Variants in ADCY9 observed in about 807,000 individuals in gnomAD.
ADCY9 encodes the protein adenylate cyclase 9.
ADCY9 carries 50 observed loss-of-function variants against 101.5 expected under a neutral mutation model. The observed-to-expected ratio is 0.49, with a 90% confidence interval of 0.39 to 0.62. The LOEUF (loss-of-function observed/expected upper bound fraction) is 0.62. ADCY9 is among the 20% of genes least tolerant of loss of function. The probability of loss-of-function intolerance (pLI) is 0.00; values close to 1 mark genes in which losing one functional copy is unlikely to be tolerated. For missense variants in ADCY9, 1,662 were observed against 1,800.4 expected, an observed-to-expected ratio of 0.92 and a Z score of 1.39; for synonymous variants, 905 against 769.3, an observed-to-expected ratio of 1.18 and a Z score of -2.92.
chr16:4,075,546 G>A (rs1333170335), intron 2 of ADCY9, among the ~76,000 whole-genome samples: 1 of 152,178 alleles, frequency 6.6e-6, no homozygotes, highest in Non-Finnish European at 1.5e-5. Flanking sequence ...GGATGTACTG[G>A]CAAGAAATGT....
intron 5 of ADCY9, among the ~76,000 whole-genome samples, chr16:3,956,112 C>G (rs2055905013): frequency 6.6e-6 from 1 of 151,844 alleles, no homozygotes; most frequent in East Asian, 1.9e-4. Flanking sequence ...CTATGTTGCC[C>G]AGGTCTCAAA....
At chr16:4,014,334 A>T (rs2056423609) in intron 2 of ADCY9, among the ~76,000 whole-genome samples, 1 of 150,928 alleles carries the variant, frequency 6.6e-6, no homozygotes, top group Admixed American at 6.6e-5. Context: ...AGAAAAAAAA[A>T]AAAAAAGAAG....
chr16:4,022,490 C>CA (rs58498676), intron 2 of ADCY9, among the ~76,000 whole-genome samples: 14,016 of 65,032 alleles, frequency 0.22, 3,811 homozygotes, highest in South Asian at 0.41. Flanking sequence ...GACTCCGTCT[C>CA]AAAAAAAAAA....
intron 2 of ADCY9, among the ~76,000 whole-genome samples, chr16:4,031,018 G>GAA (rs112884975): frequency 4.9e-4 from 74 of 151,256 alleles, no homozygotes; most frequent in African/African-American, 1.7e-3. Context: ...TAGCAGTAAA[G>GAA]AAAAAAAAAT....
chr16:3,975,950 G>A (rs1418809704), intron 9 of ADCY9, among the ~76,000 whole-genome samples: 1 of 152,152 alleles, frequency 6.6e-6, no homozygotes, highest in African/African-American at 2.4e-5. Flanking sequence ...AAAATACCCT[G>A]AAACCAGTAG....
chr16:4,092,156 G>A (rs117634045), intron 2 of ADCY9, among the ~76,000 whole-genome samples: 1,674 of 152,286 alleles, frequency 0.011, 15 homozygotes, highest in Middle Eastern at 0.031. Context: ...TGTAATCACC[G>A]GTACTTGGGA....
chr16:4,097,300 A>G (rs1263759598), intron 2 of ADCY9, among the ~76,000 whole-genome samples: 5 of 151,546 alleles, frequency 3.3e-5, no homozygotes, highest in Non-Finnish European at 7.4e-5. Context: ...CACCTTTGCT[A>G]GAGCCTATCA....
At chr16:4,018,373 C>T (rs2238451) in intron 2 of ADCY9, among the ~76,000 whole-genome samples, 14,570 of 152,016 alleles carry the variant, frequency 0.096, 878 homozygotes, top group East Asian at 0.29. Flanking sequence ...CCACCATGCC[C>T]GGCTAATTTT....
At chr16:4,000,050 A>C (rs190352746) in intron 3 of ADCY9, among the ~76,000 whole-genome samples, 116 of 152,346 alleles carry the variant, frequency 7.6e-4, no homozygotes, top group African/African-American at 2.7e-3. Flanking sequence ...TCGTCTTCTC[A>C]ACACGACTGT....
At position 4,073,202 on chromosome 16, in the gene ADCY9, C is replaced by T. The variant is rs1015249860; in HGVS notation, c.1693+40548G>A. Reference sequence around the variant, plus strand: ...CTCCGCCTCCTGGGTTCAAGTAATTCTCCTGCCTCGGCCTCCCAAGTAGCT... The same window carrying T: ...CTCCGCCTCCTGGGTTCAAGTAATTTTCCTGCCTCGGCCTCCCAAGTAGCT... On this transcript the variant is annotated intron_variant, in intron 2 of 10. Transcript: ENST00000294016. 2.6e-5 allele frequency among the ~76,000 whole-genome samples: 4 copies of T among 151,756 alleles called. No homozygotes were observed. The East Asian group carries it at 7.7e-4, about 29-fold the overall frequency.
At chr16:4,021,983 T>C (rs1268645554) in intron 2 of ADCY9, among the ~76,000 whole-genome samples, 1 of 152,196 alleles carries the variant, frequency 6.6e-6, no homozygotes, top group Non-Finnish European at 1.5e-5. Flanking sequence ...TTTTCCATCA[T>C]GAAATAAAAT....
chr16:3,983,208 A>C, intron 7 of ADCY9, 24 bp downstream of exon 7: 1 of 1,541,356 alleles, frequency 6.5e-7, no homozygotes, highest in South Asian at 1.2e-5. Context: ...TCAGAGCTGG[A>C]GACCCAGTCC....
rs1290819886 is a variant in ADCY9, at chr16:4,055,017, ACACT to A, written c.1694-47463_1694-47460del. On this transcript the variant is annotated intron_variant, in intron 2 of 10. Coordinates refer to ENST00000294016, the MANE Select transcript of ADCY9 (RefSeq NM_001116.4). ...TATTATGTAAATGAAATTCAACAAC[ACACT>A]CACACCTCAAAAACTCTGGAAGGTC... is the stretch of plus-strand genomic sequence containing the variant. Among the ~76,000 whole-genome samples, 8 of 152,302 alleles carry A rather than the reference ACACT, an allele frequency of 5.3e-5. No individual in the cohort carries two copies. The East Asian group carries it at 7.7e-4, about 15-fold the overall frequency.
At chr16:3,990,369 G>A (rs2056234207) in intron 5 of ADCY9, among the ~76,000 whole-genome samples, 1 of 151,896 alleles carries the variant, frequency 6.6e-6, no homozygotes, top group Non-Finnish European at 1.5e-5. Flanking sequence ...GGGTGGCTAA[G>A]GCAGGAGAAT....
At chr16:4,108,451 G>A (rs946673147) in intron 2 of ADCY9, among the ~76,000 whole-genome samples, 1 of 128,726 alleles carries the variant, frequency 7.8e-6, no homozygotes, top group African/African-American at 3.0e-5. Context: ...TCGGCTCACT[G>A]CAAACTCCAC....
intron 7 of ADCY9, among the ~76,000 whole-genome samples, chr16:3,980,923 G>A (rs767531841): frequency 7.9e-5 from 12 of 152,220 alleles, no homozygotes; most frequent in Non-Finnish European, 1.8e-4. Flanking sequence ...AGCAGAGAGG[G>A]TGATGCAGGA....
intron 2 of ADCY9, among the ~76,000 whole-genome samples, chr16:4,030,234 A>G (rs1323857036): frequency 6.6e-6 from 1 of 152,170 alleles, no homozygotes; most frequent in African/African-American, 2.4e-5. Context: ...GATTATTGTA[A>G]AAGTCAAAGC....
At chr16:4,027,470 C>T (rs1444976805) in intron 2 of ADCY9, among the ~76,000 whole-genome samples, 1 of 152,200 alleles carries the variant, frequency 6.6e-6, no homozygotes, top group Non-Finnish European at 1.5e-5. Context: ...GCTTGCAGTT[C>T]CCCATGGCTA....
At chr16:4,027,514 G>A (rs986413150) in intron 2 of ADCY9, among the ~76,000 whole-genome samples, 22 of 152,228 alleles carry the variant, frequency 1.4e-4, no homozygotes, top group Non-Finnish European at 2.6e-4. Context: ...AGGGCAAGGA[G>A]GAGCAAGTCA....
Sources: gnomAD v4.1 joint callset for allele counts (sites outside exome capture counted in the v4.1 genomes callset) on GRCh38, gnomAD v4.1.1 for gene constraint, MANE v1.5 for transcripts, NCBI Gene and HGNC (gene_info 2026-07-23, HGNC 2026-07-21) for gene names.